CFAP418: variants seen among roughly 807,000 people sequenced by gnomAD.
The protein encoded by CFAP418 is cilia and flagella associated protein 418.
Under a neutral mutation model 24.7 loss-of-function variants are expected in CFAP418, and 27 were observed. The ratio of observed to expected loss-of-function variants is 1.09; its 90% confidence interval spans 0.81 to 1.51. The LOEUF (loss-of-function observed/expected upper bound fraction) is 1.51, where lower values mean the gene tolerates loss of function less well. Ranked by LOEUF, CFAP418 falls within the 40% of genes most tolerant of loss-of-function variation. The pLI, the probability that CFAP418 is intolerant of heterozygous loss-of-function variation, is 0.00. For missense variants in CFAP418, 257 were observed against 255.2 expected (o/e 1.01, Z -0.05); for synonymous variants, 74 against 87.3 (o/e 0.85, Z 0.85).
intron 4 of CFAP418, among the ~76,000 whole-genome samples, chr8:95,256,174 T>C (rs1318879507): frequency 6.6e-6 from 1 of 151,462 alleles, no homozygotes; most frequent in Non-Finnish European, 1.5e-5. Flanking sequence ...ATTTCATACA[T>C]AAGAAAATCT....
At chr8:95,252,345 CATG>C in intron 4 of CFAP418, 62 bp from the exon 5 acceptor site, 1 of 1,077,338 alleles carries the variant, frequency 9.3e-7, no homozygotes, top group Non-Finnish European at 1.4e-6. Flanking sequence ...CCAATGAAAA[CATG>C]GTGATTTATT....
rs777650121 is a variant in CFAP418, at chr8:95,269,025, C to T, written c.155+10G>A. 7 of 1,613,336 alleles carry T rather than the reference C, an allele frequency of 4.3e-6. No individual in the cohort carries two copies. Among genetic ancestry groups the T allele is most frequent in the African/African-American group, 1.3e-5 (1 of 74,890 alleles). On this transcript the variant is annotated intron_variant, in intron 1 of 5. Coordinates refer to ENST00000286688, the MANE Select transcript of CFAP418 (RefSeq NM_177965.4). ...TTACCAGAACAGTCCACCCCTCCCG[C>T]CCGGTTAACCTGAGCGTCTCTTTCG...
chr8:95,263,128 A>C (rs1811921401), intron 2 of CFAP418, among the ~76,000 whole-genome samples: 1 of 152,196 alleles, frequency 6.6e-6, no homozygotes, highest in Admixed American at 6.5e-5. Flanking sequence ...TCTTTTTAAA[A>C]AAAAAGGTCC....
intron 4 of CFAP418, among the ~76,000 whole-genome samples, chr8:95,258,147 C>T (rs1811823622): frequency 6.6e-6 from 1 of 151,990 alleles, no homozygotes; most frequent in African/African-American, 2.4e-5. Context: ...CCGTGGGAGG[C>T]CGAGGAGAAC....
intron 4 of CFAP418, among the ~76,000 whole-genome samples, chr8:95,254,986 A>G (rs1811764256): frequency 6.6e-6 from 1 of 152,124 alleles, no homozygotes; most frequent in Non-Finnish European, 1.5e-5. Flanking sequence ...AAATATTTCA[A>G]ATTTGACCTT....
intron 5 of CFAP418, among the ~76,000 whole-genome samples, chr8:95,249,942 C>T (rs1811682732): frequency 6.6e-6 from 1 of 152,196 alleles, no homozygotes; most frequent in Non-Finnish European, 1.5e-5. Context: ...CTGGCTTCCT[C>T]TCAGTCACAG....
At position 95,252,174 on chromosome 8, in the gene CFAP418, C is replaced by A; in HGVS notation, c.470+14G>T. ...TTGGTACTTTTTTCAGAGTGAAGTTCTTTAGCAACATACCTGAAAAACAGA... is the reference window on the plus strand; with the variant it reads ...TTGGTACTTTTTTCAGAGTGAAGTTATTTAGCAACATACCTGAAAAACAGA... On this transcript the variant is annotated intron_variant, in intron 5 of 5. Coordinates refer to ENST00000286688, the MANE Select transcript of CFAP418 (RefSeq NM_177965.4). 2 of 1,589,424 alleles carry A rather than the reference C, an allele frequency of 1.3e-6. No individual in the cohort carries two copies. Among genetic ancestry groups the A allele is most frequent in the South Asian group, 2.2e-5 (2 of 89,070 alleles).
Position 95,247,772 on chromosome 8 carries a change from T to G in CFAP418, c.471-2A>C. ...TTGTGAAATTCTGGCATGTTGTTCC[T>G]ATTAGTAAAACAGGAAAGTTTTAGC... On this transcript the variant is annotated splice_acceptor_variant, in intron 5 of 5. Transcript: ENST00000286688. LOFTEE classifies it high-confidence loss of function. 1 of 1,601,492 alleles carries G rather than the reference T, an allele frequency of 6.2e-7. No individual in the cohort carries two copies. The highest frequency in any genetic ancestry group is 8.5e-7 in the Non-Finnish European group (1 of 1,173,030).
rs562740194 is a variant in CFAP418 at position 95,269,083 on chromosome 8, C to G, written c.107G>C (p.Gly36Ala). 6.2e-7 allele frequency: 1 copy of G among 1,614,154 alleles called. No individual in the cohort carries two copies. The highest frequency in any genetic ancestry group is 1.7e-5 in the Admixed American group (1 of 60,034). Residue 36 changes from glycine (G) to alanine (A), a missense_variant, in exon 1 of 6, where the codon GGC becomes GCC. Gly to Ala is a moderately conservative substitution (Grantham distance 60). Transcript: ENST00000286688. ...MVEQPKGCGG[G>A]THSSDRNQAK... ...TTGGTTCCGGTCGCTACTGTGGGTG[C>G]CGCCGCCGCAGCCTTTGGGCTGCTC...
At chr8:95,267,330 G>A (rs537314291) in intron 1 of CFAP418, among the ~76,000 whole-genome samples, 68 of 152,312 alleles carry the variant, frequency 4.5e-4, no homozygotes, top group African/African-American at 1.6e-3. Flanking sequence ...GACTGGGCAC[G>A]GTGGCTCATG....
chr8:95,250,961 C>A (rs904037836), intron 5 of CFAP418, among the ~76,000 whole-genome samples: 2 of 152,106 alleles, frequency 1.3e-5, no homozygotes, highest in Non-Finnish European at 2.9e-5. Context: ...TTACCCTTTT[C>A]TTTATGCTAT....
At chr8:95,259,038 A>G (rs576087155) in intron 4 of CFAP418, among the ~76,000 whole-genome samples, 5 of 152,234 alleles carry the variant, frequency 3.3e-5, no homozygotes, top group Non-Finnish European at 7.3e-5. Context: ...ACTTGACTAT[A>G]CAACAGTTAG....
At chr8:95,255,273 A>G (rs1811770036) in intron 4 of CFAP418, among the ~76,000 whole-genome samples, 1 of 152,164 alleles carries the variant, frequency 6.6e-6, no homozygotes, top group African/African-American at 2.4e-5. Context: ...GTCAGTGGCC[A>G]TTCTTTCCCT....
At chr8:95,254,159 C>G (rs1258261134) in intron 4 of CFAP418, among the ~76,000 whole-genome samples, 1 of 152,186 alleles carries the variant, frequency 6.6e-6, no homozygotes, top group Non-Finnish European at 1.5e-5. Context: ...TCCAGTCTTG[C>G]AAGTTGTTTA....
rs534029749 is a variant in CFAP418 at position 95,257,607 on chromosome 8, T to G, written c.374+2233A>C. 8.5e-5 allele frequency among the ~76,000 whole-genome samples: 13 copies of G among 152,258 alleles called. 1 individual carries two copies. Among genetic ancestry groups the G allele is most frequent in the African/African-American group, 3.1e-4 (13 of 41,552 alleles). ...ATATACAACAGTGGTCCTATAGAATTATAACGGAGCTAAATAATTCCTATT... is the reference window on the plus strand; with the variant it reads ...ATATACAACAGTGGTCCTATAGAATGATAACGGAGCTAAATAATTCCTATT... On this transcript the variant is annotated intron_variant, in intron 4 of 5. Transcript: ENST00000286688.
intron 3 of CFAP418, among the ~76,000 whole-genome samples, chr8:95,260,191 A>G (rs751070019): frequency 3.3e-5 from 5 of 152,358 alleles, no homozygotes; most frequent in Non-Finnish European, 7.4e-5. Context: ...ACTGAAGAAT[A>G]TAACAGAACA....
intron 5 of CFAP418, among the ~76,000 whole-genome samples, chr8:95,248,482 T>A (rs1282586237): frequency 6.6e-6 from 1 of 152,224 alleles, no homozygotes; most frequent in Non-Finnish European, 1.5e-5. Context: ...AGGTTTCTGA[T>A]GAATTAACTA....
chr8:95,258,319 T>C (rs1480604254), intron 4 of CFAP418, among the ~76,000 whole-genome samples: 22 of 147,784 alleles, frequency 1.5e-4, no homozygotes, highest in Admixed American at 6.8e-5. Flanking sequence ...GAGGCGGAGC[T>C]TGCAGAGAGC....
intron 3 of CFAP418, 71 bp from the exon 4 acceptor site, chr8:95,259,976 TA>T: frequency 1.2e-5 from 17 of 1,378,870 alleles, no homozygotes; most frequent in Non-Finnish European, 1.7e-5. Flanking sequence ...TTGGCCATGT[TA>T]AAAAAATTTT....
Sources: allele counts gnomAD v4.1 joint callset (sites outside exome capture counted in the v4.1 genomes callset), GRCh38; gene constraint gnomAD v4.1.1; transcripts MANE v1.5; gene names NCBI Gene and HGNC (gene_info 2026-07-23, HGNC 2026-07-21).